The following KIAA1217 variants were observed in gnomAD, a reference collection of about 807,000 sequenced individuals.
KIAA1217 encodes the protein sickle tail protein homolog.
In KIAA1217, 88 loss-of-function variants were observed where a neutral mutation model predicts 163.9. That is an observed-to-expected ratio of 0.54 (90% CI 0.45 to 0.64). The LOEUF is 0.64. Among genes scored for constraint, KIAA1217 ranks in the 30% least tolerant of loss-of-function variants. The pLI, the probability that KIAA1217 is intolerant of heterozygous loss-of-function variation, is 0.00. For synonymous variants in KIAA1217, 903 were observed against 923.1 expected (o/e 0.98, Z 0.39); for missense variants, 2,372 against 2,475.0 (o/e 0.96, Z 0.88).
intron 5 of KIAA1217, among the ~76,000 whole-genome samples, chr10:24,441,792 A>G (rs2132060669): frequency 6.6e-6 from 1 of 152,286 alleles, no homozygotes; most frequent in African/African-American, 2.4e-5. Context: ...TGCAAAATTT[A>G]TATATGTACT....
chr10:23,815,561 G>A (rs1314014465), intron 1 of KIAA1217, among the ~76,000 whole-genome samples: 1 of 152,102 alleles, frequency 6.6e-6, no homozygotes, highest in African/African-American at 2.4e-5. Flanking sequence ...GGAGAATGAC[G>A]TGAACCTGGG....
At chr10:24,212,987 AC>A (rs1264779633) in intron 1 of KIAA1217, among the ~76,000 whole-genome samples, 13 of 152,134 alleles carry the variant, frequency 8.5e-5, no homozygotes, top group Admixed American at 6.5e-4. Context: ...CATGTAACTT[AC>A]TGTCCAAATG....
chr10:24,389,831 G>GT (rs965522601), intron 3 of KIAA1217, among the ~76,000 whole-genome samples: 55 of 151,856 alleles, frequency 3.6e-4, no homozygotes, highest in Admixed American at 1.4e-3. Context: ...GTTTTGTTTT[G>GT]TTTTTTTTCA....
In KIAA1217 at chr10:23,766,879, A is replaced by G. The variant is rs554289044; in HGVS notation, c.-321+71645A>G. On this transcript the variant is annotated intron_variant, in intron 1 of 18. Transcript: ENST00000376462. ...ACTGCCAGGATTACAGGCGTGAGCC[A>G]TCATGCCCAGCTGGAACATGACATT... Among the ~76,000 whole-genome samples the G allele has an allele frequency of 1.2e-4, 18 of 152,354 alleles. No individual in the cohort carries two copies. The East Asian group carries it at 3.3e-3, about 28-fold the overall frequency.
chr10:24,018,808 A>G (rs1847606640), intron 2 of KIAA1217, among the ~76,000 whole-genome samples: 1 of 152,122 alleles, frequency 6.6e-6, no homozygotes, highest in South Asian at 2.1e-4. Flanking sequence ...ACATGAAATC[A>G]AGCTAAGTGT....
chr10:24,112,039 G>C (rs1039796664), intron 2 of KIAA1217, among the ~76,000 whole-genome samples: 8 of 152,066 alleles, frequency 5.3e-5, no homozygotes, highest in Admixed American at 5.2e-4. Context: ...GGGCTCACAC[G>C]ATCCTCCTGC....
intron 1 of KIAA1217, among the ~76,000 whole-genome samples, chr10:24,213,386 A>G (rs938417349): frequency 6.6e-6 from 1 of 152,162 alleles, no homozygotes; most frequent in African/African-American, 2.4e-5. Context: ...AAGTGCTATT[A>G]GCCCACCTGC....
chr10:23,733,692 C>T (rs1838620822), intron 1 of KIAA1217, among the ~76,000 whole-genome samples: 1 of 151,800 alleles, frequency 6.6e-6, no homozygotes. Context: ...GGGTATAGTA[C>T]CCGCCAGATA....
chr10:24,062,169 G>T (rs2060748889), intron 2 of KIAA1217, among the ~76,000 whole-genome samples: 1 of 151,606 alleles, frequency 6.6e-6, no homozygotes, highest in Non-Finnish European at 1.5e-5. Flanking sequence ...TTAAGCTTTA[G>T]GGTACATGTG....
chr10:24,157,996 C>A, intron 2 of KIAA1217: 1 of 762,650 alleles, frequency 1.3e-6, no homozygotes, highest in Non-Finnish European at 2.4e-6. Context: ...CAATTAGTGG[C>A]CCTTCAGTAG....
chr10:23,731,255 A>G (rs1008766600), intron 1 of KIAA1217, among the ~76,000 whole-genome samples: 3 of 152,206 alleles, frequency 2.0e-5, no homozygotes, highest in African/African-American at 7.2e-5. Flanking sequence ...TACATACTCA[A>G]TAAGCCATAG....
chr10:24,513,273 G>A lies in KIAA1217; in HGVS notation c.2016G>A (p.Glu672=). Residue 672 remains glutamate (E), a synonymous_variant, in exon 10 of 21, where the codon GAG becomes GAA. Transcript: ENST00000376454. ...QMRQLQLQNQ[E]LLRAMMKKAE... is the part of the protein sequence containing the mutation. Reference sequence around the variant, plus strand: ...TGTGTTCACAGCTGCAGAACCAGGAGTTGCTGAGGGCAATGATGAAGAAGG... The same window carrying A: ...TGTGTTCACAGCTGCAGAACCAGGAATTGCTGAGGGCAATGATGAAGAAGG... 1 of 1,614,060 alleles carries A rather than the reference G, an allele frequency of 6.2e-7. No individual in the cohort carries two copies. The highest frequency in any genetic ancestry group is 2.2e-5 in the East Asian group (1 of 44,872).
intron 1 of KIAA1217, among the ~76,000 whole-genome samples, chr10:23,954,166 T>G (rs1844456374): frequency 6.6e-6 from 1 of 152,218 alleles, no homozygotes; most frequent in African/African-American, 2.4e-5. Context: ...TAAAACCATC[T>G]GAGCTTTCTT....
intron 1 of KIAA1217, among the ~76,000 whole-genome samples, chr10:23,838,745 ACCAGCACAC>A (rs753931356): frequency 1.3e-3 from 191 of 152,290 alleles, no homozygotes; most frequent in Non-Finnish European, 2.2e-3. Flanking sequence ...ACAGGCGTGA[ACCAGCACAC>A]CCAGCCGCTT....
chr10:24,442,308 C>T (rs917489445), intron 5 of KIAA1217, among the ~76,000 whole-genome samples: 20 of 152,188 alleles, frequency 1.3e-4, no homozygotes, highest in Admixed American at 2.6e-4. Flanking sequence ...AACTCTTCTT[C>T]CTCTTGCCTG....
At chr10:24,014,683 A>G (rs1847394402) in intron 2 of KIAA1217, among the ~76,000 whole-genome samples, 1 of 152,180 alleles carries the variant, frequency 6.6e-6, no homozygotes, top group Admixed American at 6.5e-5. Context: ...CTGATGGAAA[A>G]CTATTTTTTA....
At chr10:24,332,492 G>C (rs893012894) in intron 2 of KIAA1217, among the ~76,000 whole-genome samples, 5 of 152,060 alleles carry the variant, frequency 3.3e-5, no homozygotes, top group African/African-American at 1.2e-4. Context: ...GAAATGGCTT[G>C]TAAGCTGTAA....
intron 2 of KIAA1217, among the ~76,000 whole-genome samples, chr10:24,097,368 A>G (rs776419435): frequency 7.9e-5 from 12 of 152,182 alleles, no homozygotes; most frequent in Non-Finnish European, 1.5e-4. Context: ...CCTGAACAAC[A>G]TAGCAAGATC....
intron 2 of KIAA1217, among the ~76,000 whole-genome samples, chr10:24,288,658 G>A (rs2078796157): frequency 6.6e-6 from 1 of 152,182 alleles, no homozygotes; most frequent in African/African-American, 2.4e-5. Flanking sequence ...AGGCAGTTTG[G>A]GTCAGGGAAG....
Sources: allele counts gnomAD v4.1 joint callset (sites outside exome capture counted in the v4.1 genomes callset), GRCh38; gene constraint gnomAD v4.1.1; transcripts MANE v1.5; gene names NCBI Gene and HGNC (gene_info 2026-07-23, HGNC 2026-07-21).